Variants in LYAR observed in about 807,000 individuals in gnomAD.
LYAR encodes Ly1 antibody reactive, also known as cell growth-regulating nucleolar protein.
In LYAR, 37 loss-of-function variants were observed where a neutral mutation model predicts 45.2. The observed-to-expected ratio is 0.82, with a 90% CI of 0.63 to 1.08. LYAR has a LOEUF of 1.08. LYAR is among the 50% of genes least tolerant of loss of function. The pLI, the probability that LYAR is intolerant of heterozygous loss-of-function variation, is 0.00. For synonymous variants in LYAR, 176 were observed against 155.1 expected, an observed-to-expected ratio of 1.14 and a Z score of -1.00; for missense variants, 493 against 451.0, an observed-to-expected ratio of 1.09 and a Z score of -0.84.
intron 7 of LYAR, 79 bp from the exon 8 acceptor site, chr4:4,273,748 A>G (rs1719049693): frequency 1.3e-6 from 1 of 790,208 alleles, no homozygotes; most frequent in South Asian, 1.5e-5. Context: ...ACCTTATGCG[A>G]GCTAGGCAAA....
At chr4:4,286,900 C>A (rs1719640565) in intron 1 of LYAR, among the ~76,000 whole-genome samples, 1 of 126,152 alleles carries the variant, frequency 7.9e-6, no homozygotes, top group Non-Finnish European at 1.6e-5. Context: ...ATCCGCCTGC[C>A]TCGGCCTCCC....
Position 4,281,765 on chromosome 4 carries a change from G to C in LYAR, c.237+18C>G, listed in dbSNP as rs758622654. 4 of 1,574,612 alleles carry C rather than the reference G, an allele frequency of 2.5e-6. No individual in the cohort carries two copies. The East Asian group carries it at 9.0e-5, about 35-fold the overall frequency. ...AAGCTGTCAGAGGAAGCTACTCAAT[G>C]AGTTAGAGAGACGTTACCTGAATCC... On this transcript the variant is annotated intron_variant, in intron 4 of 9. Transcript: ENST00000343470.
intron 2 of LYAR, among the ~76,000 whole-genome samples, chr4:4,286,307 C>A (rs1719608701): frequency 6.6e-6 from 1 of 152,178 alleles, no homozygotes; most frequent in Non-Finnish European, 1.5e-5. Flanking sequence ...TAAACACTTG[C>A]TTGGGCTTCA....
intron 1 of LYAR, among the ~76,000 whole-genome samples, chr4:4,288,895 G>A (rs571612101): frequency 2.0e-5 from 3 of 152,318 alleles, no homozygotes; most frequent in Admixed American, 2.0e-4. Context: ...GGCAACCCCA[G>A]GATATCCCCC....
At chr4:4,288,450 C>T (rs1719704155) in intron 1 of LYAR, among the ~76,000 whole-genome samples, 2 of 151,536 alleles carry the variant, frequency 1.3e-5, no homozygotes, top group Non-Finnish European at 2.9e-5. Context: ...AATCTTCTTC[C>T]CTCTATATTT....
At position 4,280,822 on chromosome 4, in the gene LYAR, C is replaced by T. The variant is rs79792122; in HGVS notation, c.237+961G>A. On this transcript the variant is annotated intron_variant, in intron 4 of 9. Coordinates refer to ENST00000343470, the MANE Select transcript of LYAR (RefSeq NM_017816.3). ...AGCTAGTTAATGTCTGAAAAATTCA[C>T]GTTCCAACTCTATTATCAAATGGAA... Among the ~76,000 whole-genome samples, 598 of 152,324 alleles carry T rather than the reference C, an allele frequency of 3.9e-3. 1 individual carries two copies. Among genetic ancestry groups the T allele is most frequent in the African/African-American group, 0.014 (575 of 41,562 alleles).
chr4:4,279,843 C>T (rs12644991), intron 4 of LYAR, 94 bp from the exon 5 acceptor site: 253,552 of 753,884 alleles, frequency 0.34, 44,936 homozygotes, highest in East Asian at 0.53. Flanking sequence ...ATGGCTAAAG[C>T]GTTCACGTTT....
chr4:4,285,783 G>A (rs1039475773), intron 2 of LYAR, among the ~76,000 whole-genome samples: 4 of 152,158 alleles, frequency 2.6e-5, no homozygotes, highest in Admixed American at 6.5e-5. Context: ...GAAAGGTTTC[G>A]ACAAGGCTTA....
At position 4,281,769 on chromosome 4, in the gene LYAR, TAG is replaced by T. The variant is rs372542621; in HGVS notation, c.237+12_237+13del. On this transcript the variant is annotated intron_variant, in intron 4 of 9. Transcript: ENST00000343470. ...TGTCAGAGGAAGCTACTCAATGAGT[TAG>T]AGAGACGTTACCTGAATCCACGCCT... is the stretch of plus-strand genomic sequence containing the variant. The T allele has an allele frequency of 4.9e-4, 788 of 1,596,212 alleles. 5 individuals are homozygous for T. In the African/African-American group the frequency reaches 9.6e-3, roughly 19 times the overall value.
chr4:4,268,071 T>C, intron 9 of LYAR, 48 bp from the exon 10 acceptor site: 3 of 1,482,490 alleles, frequency 2.0e-6, no homozygotes, highest in Non-Finnish European at 2.7e-6. Flanking sequence ...TGGAAAATTA[T>C]CTTAAAATGT....
At chr4:4,282,575 C>T (rs1476429110) in intron 3 of LYAR, among the ~76,000 whole-genome samples, 1 of 152,174 alleles carries the variant, frequency 6.6e-6, no homozygotes, top group Non-Finnish European at 1.5e-5. Context: ...GAGTATTAGC[C>T]AGTACCATCC....
chr4:4,285,617 G>A (rs1361972956), intron 2 of LYAR, among the ~76,000 whole-genome samples: 3 of 152,188 alleles, frequency 2.0e-5, no homozygotes, highest in Non-Finnish European at 4.4e-5. Context: ...AAGCAGCCGT[G>A]ATATGCCAAA....
chr4:4,281,730 A>G, intron 4 of LYAR, 53 bp downstream of exon 4: 1 of 1,351,316 alleles, frequency 7.4e-7, no homozygotes, highest in Non-Finnish European at 1.1e-6. Context: ...TGGGCTTCCA[A>G]AGAAAGCGGA....
At chr4:4,275,347 A>C (rs1719136453) in intron 6 of LYAR, among the ~76,000 whole-genome samples, 1 of 152,226 alleles carries the variant, frequency 6.6e-6, no homozygotes, top group Non-Finnish European at 1.5e-5. Flanking sequence ...AGAGTTTTGT[A>C]AATTATCAGC....
At chr4:4,277,407 A>C (rs978770503) in intron 6 of LYAR, among the ~76,000 whole-genome samples, 4 of 152,102 alleles carry the variant, frequency 2.6e-5, no homozygotes, top group Non-Finnish European at 4.4e-5. Flanking sequence ...CACAATCCAG[A>C]CCAGATTTTC....
At chr4:4,285,716 C>A (rs1282071698) in intron 2 of LYAR, among the ~76,000 whole-genome samples, 1 of 152,190 alleles carries the variant, frequency 6.6e-6, no homozygotes, top group Non-Finnish European at 1.5e-5. Context: ...TTAGAGCTTG[C>A]CAACCTCTGT....
At chr4:4,271,404 C>T (rs1465749024) in intron 8 of LYAR, among the ~76,000 whole-genome samples, 2 of 152,180 alleles carry the variant, frequency 1.3e-5, no homozygotes, top group South Asian at 2.1e-4. Context: ...ATTTTCTTTA[C>T]CCATTCATCT....
chr4:4,283,082 T>C (rs1227133170), intron 3 of LYAR, among the ~76,000 whole-genome samples: 1 of 152,170 alleles, frequency 6.6e-6, no homozygotes, highest in East Asian at 1.9e-4. Context: ...AACACTCTAA[T>C]CATCATAATT....
chr4:4,288,427 A>G (rs1719703042), intron 1 of LYAR, among the ~76,000 whole-genome samples: 1 of 151,840 alleles, frequency 6.6e-6, no homozygotes, highest in Non-Finnish European at 1.5e-5. Context: ...TGAGATTGGA[A>G]TGATTTTTTT....
Sources: gnomAD v4.1 joint callset for allele counts (sites outside exome capture counted in the v4.1 genomes callset) on GRCh38, gnomAD v4.1.1 for gene constraint, MANE v1.5 for transcripts, NCBI Gene and HGNC (gene_info 2026-07-23, HGNC 2026-07-21) for gene names.